The following MAD1L1 variants were observed in gnomAD, a reference collection of about 807,000 sequenced individuals.
MAD1L1 encodes mitotic spindle assembly checkpoint protein MAD1.
Under a neutral mutation model 96.9 loss-of-function variants are expected in MAD1L1, and 95 were observed. The observed-to-expected ratio is 0.98, with a 90% confidence interval of 0.83 to 1.16. MAD1L1 has a LOEUF of 1.16. Ranked by LOEUF, MAD1L1 falls within the 50% of genes most tolerant of loss-of-function variation. The pLI is 0.00. For missense variants in MAD1L1, 1,007 were observed against 954.4 expected (o/e 1.06, Z -0.73); for synonymous variants, 473 against 396.6 (o/e 1.19, Z -2.29).
Position 1,977,407 on chromosome 7 carries a change from G to C in MAD1L1, c.1505+3046C>G, listed in dbSNP as rs1334666672. Among the ~76,000 whole-genome samples the C allele has an allele frequency of 2.0e-5, 3 of 152,216 alleles. No individual in the cohort carries two copies. The East Asian group carries it at 5.8e-4, about 29-fold the overall frequency. ...GCCGGCAACGCTGGCCAGCTGCTCG[G>C]AGTGTGGGGCCCGCCAAGCCCACGC... On this transcript the variant is annotated intron_variant, in intron 15 of 18. Transcript: ENST00000265854.
intron 10 of MAD1L1, among the ~76,000 whole-genome samples, chr7:2,162,708 CAAAA>C (rs200992128): frequency 1.0e-5 from 1 of 96,536 alleles, no homozygotes. Context: ...CCACCACTCA[CAAAA>C]AAAAAAAAAA....
At chr7:2,002,556 C>T (rs1352655214) in intron 13 of MAD1L1, among the ~76,000 whole-genome samples, 1 of 152,150 alleles carries the variant, frequency 6.6e-6, no homozygotes, top group Non-Finnish European at 1.5e-5. Context: ...ATCAGGTGAC[C>T]TTCCAGGCAG....
At chr7:1,940,850 G>C (rs1006117095) in intron 16 of MAD1L1, among the ~76,000 whole-genome samples, 1 of 146,504 alleles carries the variant, frequency 6.8e-6, no homozygotes, top group African/African-American at 2.5e-5. Context: ...AGGCGGGGCT[G>C]TAGTCAGCTG....
intron 16 of MAD1L1, among the ~76,000 whole-genome samples, chr7:1,950,474 C>T (rs1329715349): frequency 6.6e-6 from 1 of 152,262 alleles, no homozygotes; most frequent in African/African-American, 2.4e-5. Context: ...CCGCTGACTT[C>T]CACCCGAGTC....
chr7:1,987,420 G>C (rs1584004974), intron 14 of MAD1L1, among the ~76,000 whole-genome samples: 1 of 152,224 alleles, frequency 6.6e-6, no homozygotes, highest in African/African-American at 2.4e-5. Context: ...GCTCGGAACG[G>C]GGAGGTACTG....
chr7:2,226,167 G>A (rs1225955066), intron 3 of MAD1L1, among the ~76,000 whole-genome samples: 1 of 152,216 alleles, frequency 6.6e-6, no homozygotes, highest in African/African-American at 2.4e-5. Context: ...GCCCACCAGG[G>A]AGTGGATCAA....
intron 18 of MAD1L1, among the ~76,000 whole-genome samples, chr7:1,867,779 G>C (rs1263988992): frequency 6.6e-6 from 1 of 152,222 alleles, no homozygotes; most frequent in Non-Finnish European, 1.5e-5. Flanking sequence ...TGGAGGGACT[G>C]GACGGGCTGA....
rs1267065505 is a variant in MAD1L1 at position 2,008,909 on chromosome 7, G to A, written c.1359+5593C>T. 3.9e-5 allele frequency among the ~76,000 whole-genome samples: 6 copies of A among 152,230 alleles called. No individual in the cohort carries two copies. In the South Asian group the frequency reaches 6.2e-4, roughly 16 times the overall value. On this transcript the variant is annotated intron_variant, in intron 13 of 18. Coordinates refer to ENST00000265854, the MANE Select transcript of MAD1L1 (RefSeq NM_001013836.2). ...TCCCCAGGAGAGGCCAAGCCCACTC[G>A]GAGCCAGGCTTCAGGGGCACACACC...
intron 18 of MAD1L1, among the ~76,000 whole-genome samples, chr7:1,894,875 T>C (rs182632515): frequency 5.3e-5 from 8 of 151,220 alleles, no homozygotes; most frequent in Admixed American, 2.0e-4. Context: ...TAGGGAGAAA[T>C]GGAGCAAGAA....
intron 11 of MAD1L1, among the ~76,000 whole-genome samples, chr7:2,123,338 C>G (rs1340659708): frequency 6.6e-6 from 1 of 151,696 alleles, no homozygotes; most frequent in Non-Finnish European, 1.5e-5. Context: ...GGGAGCTCAG[C>G]CAGCTCAGGG....
chr7:1,885,011 G>A (rs1234031112), intron 18 of MAD1L1, among the ~76,000 whole-genome samples: 3 of 152,208 alleles, frequency 2.0e-5, no homozygotes, highest in Admixed American at 6.5e-5. Context: ...AGTTACCCGT[G>A]TTGGTCAAAA....
chr7:2,156,105 G>A (rs1300248789), intron 10 of MAD1L1, among the ~76,000 whole-genome samples: 1 of 152,142 alleles, frequency 6.6e-6, no homozygotes, highest in Non-Finnish European at 1.5e-5. Context: ...ATGGTTTCAC[G>A]GCGCGTGTGG....
chr7:1,868,244 G>C (rs1054787813), intron 18 of MAD1L1, among the ~76,000 whole-genome samples: 1 of 152,208 alleles, frequency 6.6e-6, no homozygotes, highest in African/African-American at 2.4e-5. Flanking sequence ...AGCCCCACCT[G>C]CTGATAACCG....
intron 17 of MAD1L1, among the ~76,000 whole-genome samples, chr7:1,899,733 G>A (rs550919269): frequency 6.6e-6 from 1 of 152,176 alleles, no homozygotes; most frequent in South Asian, 2.1e-4. Flanking sequence ...CTGCTGGCCA[G>A]GTCACAGTGA....
At chr7:2,078,545 C>T (rs747965554) in intron 11 of MAD1L1, among the ~76,000 whole-genome samples, 4 of 152,222 alleles carry the variant, frequency 2.6e-5, no homozygotes, top group Non-Finnish European at 4.4e-5. Context: ...CTCATCTACC[C>T]AGGACTGAAG....
intron 11 of MAD1L1, among the ~76,000 whole-genome samples, chr7:2,141,512 C>T (rs1253460901): frequency 6.6e-6 from 1 of 152,170 alleles, no homozygotes; most frequent in African/African-American, 2.4e-5. Flanking sequence ...TCCCCCAACC[C>T]GGGACTTCAC....
chr7:1,971,719 T>C (rs1780415844), intron 15 of MAD1L1, among the ~76,000 whole-genome samples: 1 of 152,084 alleles, frequency 6.6e-6, no homozygotes, highest in Non-Finnish European at 1.5e-5. Context: ...CAGCATCAAA[T>C]AGCCTTTAAA....
chr7:2,113,406 C>T (rs994838193), intron 11 of MAD1L1, among the ~76,000 whole-genome samples: 1 of 152,054 alleles, frequency 6.6e-6, no homozygotes, highest in Non-Finnish European at 1.5e-5. Context: ...ATGGCGAAAC[C>T]CCCTCTCTAC....
Position 1,869,711 on chromosome 7 carries a change from G to A in MAD1L1, c.1998+28489C>T, listed in dbSNP as rs552008044. On this transcript the variant is annotated intron_variant, in intron 18 of 18. Coordinates refer to ENST00000265854, the MANE Select transcript of MAD1L1 (RefSeq NM_001013836.2). ...ATTGTCAATCAGCACTGTCACACTA[G>A]CACGGGTTGAGGGGGCCGAGGACCA... 1.1e-4 allele frequency among the ~76,000 whole-genome samples: 17 copies of A among 152,326 alleles called. No homozygotes were observed. The South Asian group carries it at 3.1e-3, about 28-fold the overall frequency.
Sources: gnomAD v4.1 joint callset for allele counts (sites outside exome capture counted in the v4.1 genomes callset) on GRCh38, gnomAD v4.1.1 for gene constraint, MANE v1.5 for transcripts, NCBI Gene and HGNC (gene_info 2026-07-23, HGNC 2026-07-21) for gene names.